Variants in COL25A1 observed in about 807,000 individuals in gnomAD.
COL25A1 encodes collagen alpha-1(XXV) chain.
A neutral mutation model predicts 128.4 loss-of-function variants in COL25A1; 103 were observed. The ratio of observed to expected loss-of-function variants is 0.80; its 90% CI spans 0.68 to 0.94. COL25A1 has a LOEUF of 0.94. Among genes scored for constraint, COL25A1 ranks in the 40% least tolerant of loss-of-function variants. The pLI is 0.00. For missense variants in COL25A1, 745 were observed against 840.0 expected, an observed-to-expected ratio of 0.89 and a Z score of 1.40; for synonymous variants, 279 against 277.2, an observed-to-expected ratio of 1.01 and a Z score of -0.06.
In COL25A1 at chr4:108,827,187, C is replaced by T. The variant is rs1460263673; in HGVS notation, c.1712G>A (p.Gly571Asp). ...HGPAGPKGER[G>D]EKGAMGEPGP... ...AGGCTCTCCCATAGCTCCTTTTTCA[C>T]CCTAAAATGAAAAGTAGAAAGTTCA... Residue 571 changes from glycine to aspartate, a missense_variant and splice_region_variant, in exon 33 of 38, where the codon GGT (glycine) becomes GAT (aspartate). Gly to Asp is a moderately conservative substitution (Grantham distance 94). Around this residue, in one of 3 missense-constraint regions of COL25A1, gnomAD observed 387 missense variants for 441.9 expected, o/e 0.88. Coordinates refer to ENST00000399132, the MANE Select transcript of COL25A1 (RefSeq NM_198721.4). The T allele has an allele frequency of 2.5e-6, 4 of 1,613,814 alleles. No homozygotes were observed.
chr4:109,127,974 G>C (rs1768793382), intron 3 of COL25A1, among the ~76,000 whole-genome samples: 1 of 149,908 alleles, frequency 6.7e-6, no homozygotes, highest in African/African-American at 2.5e-5. Context: ...GCAGAGCAGG[G>C]ACGCTCTTTT....
At chr4:109,153,850 A>G (rs1771767534) in intron 3 of COL25A1, among the ~76,000 whole-genome samples, 1 of 152,180 alleles carries the variant, frequency 6.6e-6, no homozygotes, top group Non-Finnish European at 1.5e-5. Flanking sequence ...GCTGTATACT[A>G]CAATCCCATA....
intron 3 of COL25A1, among the ~76,000 whole-genome samples, chr4:109,055,500 G>A (rs1173885538): frequency 6.6e-6 from 1 of 152,166 alleles, no homozygotes; most frequent in African/African-American, 2.4e-5. Context: ...CGAGAGTTCT[G>A]TGGCTCAATG....
chr4:108,974,507 T>G, intron 7 of COL25A1, 26 bp downstream of exon 7: 1 of 1,610,870 alleles, frequency 6.2e-7, no homozygotes, highest in Non-Finnish European at 8.5e-7. Flanking sequence ...CTTCACTAAC[T>G]TTATTTCTGG....
chr4:109,162,369 T>C (rs986162109), intron 3 of COL25A1, among the ~76,000 whole-genome samples: 19 of 152,158 alleles, frequency 1.2e-4, no homozygotes, highest in African/African-American at 3.6e-4. Context: ...CAGAAATTAA[T>C]TTGTTAAGGT....
chr4:109,093,420 G>A (rs1389029029), intron 3 of COL25A1, among the ~76,000 whole-genome samples: 1 of 140,160 alleles, frequency 7.1e-6, no homozygotes, highest in Non-Finnish European at 1.5e-5. Context: ...AGGAGTTTGA[G>A]ACCAGCCTGG....
At chr4:109,003,517 A>G (rs923067425) in intron 6 of COL25A1, among the ~76,000 whole-genome samples, 1 of 152,212 alleles carries the variant, frequency 6.6e-6, no homozygotes. Flanking sequence ...TGAAATATAA[A>G]AGGCCGGGCA....
At chr4:109,210,134 T>C (rs1777378675) in intron 3 of COL25A1, among the ~76,000 whole-genome samples, 1 of 150,602 alleles carries the variant, frequency 6.6e-6, no homozygotes, top group Non-Finnish European at 1.5e-5. Context: ...GATGAAACAA[T>C]TTGGGAAGGG....
At chr4:109,226,677 T>C (rs943507358) in intron 3 of COL25A1, among the ~76,000 whole-genome samples, 12 of 151,908 alleles carry the variant, frequency 7.9e-5, no homozygotes, top group East Asian at 1.9e-4. Context: ...AAGATCAAAA[T>C]CTCAAAAATA....
chr4:109,034,771 C>T (rs1759183119), intron 5 of COL25A1, among the ~76,000 whole-genome samples: 1 of 152,108 alleles, frequency 6.6e-6, no homozygotes, highest in Non-Finnish European at 1.5e-5. Flanking sequence ...AAGTCAATAT[C>T]TTGGTCAATT....
At chr4:109,039,494 C>G (rs553120664) in intron 5 of COL25A1, among the ~76,000 whole-genome samples, 1 of 152,166 alleles carries the variant, frequency 6.6e-6, no homozygotes, top group Non-Finnish European at 1.5e-5. Flanking sequence ...GATTTTTCAC[C>G]CAGACAAGTC....
intron 3 of COL25A1, among the ~76,000 whole-genome samples, chr4:109,114,476 A>G (rs1256811204): frequency 6.6e-6 from 1 of 152,058 alleles, no homozygotes; most frequent in Non-Finnish European, 1.5e-5. Context: ...CTGAGCTTTG[A>G]AACATCAGGA....
intron 10 of COL25A1, among the ~76,000 whole-genome samples, chr4:108,939,069 T>C (rs1747778121): frequency 6.6e-6 from 1 of 152,238 alleles, no homozygotes; most frequent in African/African-American, 2.4e-5. Flanking sequence ...TTACCTTTAA[T>C]TTTGTTTTTA....
At chr4:108,942,380 A>G in intron 8 of COL25A1, 1 of 958,390 alleles carries the variant, frequency 1.0e-6, no homozygotes, top group African/African-American at 1.6e-5. Flanking sequence ...CCTGGGACTT[A>G]GAAGTCTTGC....
At chr4:109,169,186 A>G (rs1434382848) in intron 3 of COL25A1, among the ~76,000 whole-genome samples, 3 of 152,182 alleles carry the variant, frequency 2.0e-5, no homozygotes, top group Non-Finnish European at 4.4e-5. Flanking sequence ...GTCCTGACAC[A>G]TGCAATACCT....
chr4:109,142,638 T>C lies in COL25A1; in HGVS notation c.368-92459A>G, dbSNP rs547604528. On this transcript the variant is annotated intron_variant, in intron 3 of 37. Transcript: ENST00000399132. Reference sequence around the variant, plus strand: ...ATATTTAGGTTAGCTTTGTGTTGCATTGATCCCTTTACCATTATGTAATGG... The same window carrying C: ...ATATTTAGGTTAGCTTTGTGTTGCACTGATCCCTTTACCATTATGTAATGG... Among the ~76,000 whole-genome samples the C allele has an allele frequency of 7.2e-5, 11 of 152,276 alleles. No homozygotes were observed. In the East Asian group the frequency reaches 1.2e-3, roughly 16 times the overall value.
At chr4:109,005,041 T>C (rs1403796442) in intron 6 of COL25A1, among the ~76,000 whole-genome samples, 1 of 152,168 alleles carries the variant, frequency 6.6e-6, no homozygotes, top group Non-Finnish European at 1.5e-5. Context: ...TGTAAAGAAA[T>C]ACCTGAGACT....
At chr4:109,142,027 G>A (rs1022276115) in intron 3 of COL25A1, among the ~76,000 whole-genome samples, 5 of 152,032 alleles carry the variant, frequency 3.3e-5, no homozygotes, top group Admixed American at 6.6e-5. Context: ...TCAGGGTGTC[G>A]ATTTTAGATC....
At chr4:109,121,885 A>T (rs894364541) in intron 3 of COL25A1, among the ~76,000 whole-genome samples, 2 of 152,104 alleles carry the variant, frequency 1.3e-5, no homozygotes, top group African/African-American at 4.8e-5. Context: ...ATGTCCTTCA[A>T]TAGGTGAAAG....
Sources: gnomAD v4.1 joint callset for allele counts (sites outside exome capture counted in the v4.1 genomes callset) on GRCh38, gnomAD v4.1.1 for gene constraint, gnomAD v4.1.1 regional missense constraint, MANE v1.5 for transcripts, NCBI Gene and HGNC (gene_info 2026-07-23, HGNC 2026-07-21) for gene names.